IGFN1: variants seen among roughly 807,000 people sequenced by gnomAD.
IGFN1 encodes immunoglobulin-like and fibronectin type III domain-containing protein 1.
IGFN1 carries 253 observed loss-of-function variants against 289.5 expected under a neutral mutation model. That is an observed-to-expected ratio of 0.87 (90% CI 0.79 to 0.97). The LOEUF (loss-of-function observed/expected upper bound fraction) is 0.97. IGFN1 is among the 50% of genes least tolerant of loss of function. The pLI is 0.00. For missense variants in IGFN1, 4,470 were observed against 4,686.1 expected (o/e 0.95, Z 1.35); for synonymous variants, 1,706 against 1,788.5 (o/e 0.95, Z 1.16).
chr1:201,212,889 G>A lies in IGFN1; in HGVS notation c.7996G>A (p.Glu2666Lys). ...EKDAAFGGTH[E>K]GPGGFKGGEG... ...AGATGCCGCTTTTGGTGGGACCCAT[G>A]AAGGGCCAGGGGGCTTTAAGGGTGG... Residue 2666 changes from glutamate to lysine, a missense_variant, in exon 12 of 24, where the codon GAA becomes AAA. By Grantham distance (56) the Glu-to-Lys change is moderately conservative (BLOSUM62 1). Coordinates refer to ENST00000335211, the MANE Select transcript of IGFN1 (RefSeq NM_001164586.2). 1.9e-6 allele frequency: 3 copies of A among 1,551,330 alleles called. No individual in the cohort carries two copies. Among genetic ancestry groups the A allele is most frequent in the Non-Finnish European group, 2.6e-6 (3 of 1,146,930 alleles).
chr1:201,209,062 C>A lies in IGFN1; in HGVS notation c.4169C>A (p.Ala1390Glu). 1 of 1,536,360 alleles carries A rather than the reference C, an allele frequency of 6.5e-7. No homozygotes were observed. The highest frequency in any genetic ancestry group is 8.7e-7 in the Non-Finnish European group (1 of 1,146,724). ...KDLGVPEGMG[A>E]GYRAGLRGPG... Reference sequence around the variant, plus strand: ...TTGGGGGTTCCTGAGGGAATGGGTGCAGGTTACAGGGCTGGTTTAAGGGGT... The same window carrying A: ...TTGGGGGTTCCTGAGGGAATGGGTGAAGGTTACAGGGCTGGTTTAAGGGGT... The change falls in exon 12 of 24, where the codon GCA (alanine) becomes GAA (glutamate). Residue 1390 changes from alanine to glutamate, a missense_variant. Transcript: ENST00000335211.
At chr1:201,213,715 T>G in intron 12 of IGFN1, 94 bp downstream of exon 12, 1 of 1,067,460 alleles carries the variant, frequency 9.4e-7, no homozygotes, top group Non-Finnish European at 1.4e-6. Context: ...CAGTTCTGCC[T>G]CCAGCCCCAG....
In IGFN1 at chr1:201,212,758, GC is replaced by G; in HGVS notation, c.7866del (p.Ser2622ArgfsTer18). ...TSGPADRQGT[S>X]NAWAPDWENQ... ...GGGCCTGCTGATAGACAAGGGACGA[GC>G]AATGCTTGGGCTCCTGATTGGGAAA... On this transcript the variant is annotated frameshift_variant, in exon 12 of 24. Transcript: ENST00000335211. LOFTEE classifies it high-confidence loss of function. The G allele has an allele frequency of 6.4e-7, 1 of 1,551,584 alleles. No individual in the cohort carries two copies. The highest frequency in any genetic ancestry group is 8.7e-7 in the Non-Finnish European group (1 of 1,146,928).
At chr1:201,204,943 G>A in intron 10 of IGFN1, 139 bp from the exon 11 acceptor site, 1 of 760,794 alleles carries the variant, frequency 1.3e-6, no homozygotes, top group Non-Finnish European at 2.1e-6. Context: ...GAGGTCCAGA[G>A]GTGACCTGTC....
rs149041810 is a variant in IGFN1, at chr1:201,217,238, C to T, written c.9596-49C>T. 6.7e-5 allele frequency: 106 copies of T among 1,571,996 alleles called. No individual in the cohort carries two copies. The East Asian group carries it at 2.0e-3, about 30-fold the overall frequency. On this transcript the variant is annotated intron_variant, in intron 16 of 23. Transcript: ENST00000335211. ...CTACCCCCAGGGGCTCCCCATGAGCCGGCACCTTTCCCAGGCCTCTGGCTG... is the reference window on the plus strand; with the variant it reads ...CTACCCCCAGGGGCTCCCCATGAGCTGGCACCTTTCCCAGGCCTCTGGCTG...
At chr1:201,224,900 T>C (rs183872028) in intron 21 of IGFN1, 26 bp downstream of exon 21, 30 of 1,582,826 alleles carry the variant, frequency 1.9e-5, no homozygotes, top group Middle Eastern at 3.6e-4. Context: ...CTCTGGGCTC[T>C]GGACGCTGGC....
intron 2 of IGFN1, 100 bp downstream of exon 2, chr1:201,193,400 GC>G: frequency 1.2e-6 from 1 of 816,298 alleles, no homozygotes; most frequent in Non-Finnish European, 2.0e-6. Context: ...CTGGGAACTT[GC>G]CCATCTTGTT....
In IGFN1 at chr1:201,200,276, G is replaced by T; in HGVS notation, c.498G>T (p.Gln166His). The T allele has an allele frequency of 6.4e-7, 1 of 1,551,636 alleles. No homozygotes were observed. Among genetic ancestry groups the T allele is most frequent in the East Asian group, 2.4e-5 (1 of 40,926 alleles). ...PAPKKKMDLEQIWQLLMTADR... is the reference protein window; with the variant it reads ...PAPKKKMDLEHIWQLLMTADR... Reference sequence around the variant, plus strand: ...CCAAGAAAAAGATGGACCTTGAGCAGATATGGCAGCTGCTGATGACAGCAG... The same window carrying T: ...CCAAGAAAAAGATGGACCTTGAGCATATATGGCAGCTGCTGATGACAGCAG... Residue 166 changes from glutamine to histidine, a missense_variant, in exon 8 of 24, where the codon CAG (glutamine) becomes CAT (histidine). Around this residue, in one of 8 missense-constraint regions of IGFN1, gnomAD observed 2,011 missense variants for 1,953.4 expected, o/e 1.03. Coordinates refer to ENST00000335211, the MANE Select transcript of IGFN1 (RefSeq NM_001164586.2).
chr1:201,218,489 G>A, intron 17 of IGFN1, 41 bp from the exon 18 acceptor site: 2 of 1,594,286 alleles, frequency 1.3e-6, no homozygotes, highest in Non-Finnish European at 1.7e-6. Flanking sequence ...CCCATGTCCA[G>A]CACCATCAGG....
At chr1:201,223,803 C>T (rs896917095) in intron 20 of IGFN1, among the ~76,000 whole-genome samples, 2 of 152,186 alleles carry the variant, frequency 1.3e-5, no homozygotes, top group African/African-American at 4.8e-5. Context: ...TAGGGCCTGG[C>T]ATATGACAGC....
chr1:201,216,961 T>C (rs554730608), intron 16 of IGFN1, among the ~76,000 whole-genome samples: 7 of 151,518 alleles, frequency 4.6e-5, no homozygotes, highest in African/African-American at 1.5e-4. Context: ...TCTCCAGGAG[T>C]GAGGGTGTGG....
chr1:201,196,600 A>T (rs558157049), intron 4 of IGFN1, among the ~76,000 whole-genome samples: 88 of 152,284 alleles, frequency 5.8e-4, no homozygotes, highest in Non-Finnish European at 1.0e-3. Context: ...CCGCCTCGGC[A>T]TCCCAAAGTG....
At chr1:201,217,673 A>G (rs1558156303) in intron 17 of IGFN1, among the ~76,000 whole-genome samples, 1 of 152,188 alleles carries the variant, frequency 6.6e-6, no homozygotes, top group African/African-American at 2.4e-5. Context: ...AACCTCCTAC[A>G]GTATACAGGA....
At chr1:201,219,788 T>A (rs933312508) in intron 18 of IGFN1, among the ~76,000 whole-genome samples, 1 of 152,152 alleles carries the variant, frequency 6.6e-6, no homozygotes, top group Non-Finnish European at 1.5e-5. Flanking sequence ...ATTGTTCAAG[T>A]GGTATCTGAG....
At chr1:201,225,046 A>G (rs12134361) in intron 21 of IGFN1, among the ~76,000 whole-genome samples, 172 bp downstream of exon 21, 137,956 of 152,318 alleles carry the variant, frequency 0.91, 62,622 homozygotes, top group East Asian at 1. Flanking sequence ...AAAGGACCCC[A>G]GAAGATCCCC....
In IGFN1 at chr1:201,211,787, A is replaced by G. The variant is rs759403312; in HGVS notation, c.6894A>G (p.Leu2298=). ...TAGGGGGTTCTGGGAGGAATCCATTAGGGAGCGAGGCAGGTTCTAGGGGTA... is the reference window on the plus strand; with the variant it reads ...TAGGGGGTTCTGGGAGGAATCCATTGGGGAGCGAGGCAGGTTCTAGGGGTA... ...NVLGGSGRNP[L]GSEAGSRGSL... is the part of the protein sequence containing the mutation. The change falls in exon 12 of 24, where the codon TTA becomes TTG. Residue 2298 remains leucine (L), a synonymous_variant. Coordinates refer to ENST00000335211, the MANE Select transcript of IGFN1 (RefSeq NM_001164586.2). 3.3e-6 allele frequency: 5 copies of G among 1,536,842 alleles called. No homozygotes were observed. Among genetic ancestry groups the G allele is most frequent in the Non-Finnish European group, 4.4e-6 (5 of 1,146,774 alleles).
At chr1:201,193,818 C>T (rs549677052) in intron 2 of IGFN1, among the ~76,000 whole-genome samples, 21 of 152,256 alleles carry the variant, frequency 1.4e-4, no homozygotes, top group Non-Finnish European at 2.6e-4. Flanking sequence ...AGCCCCCACA[C>T]GAGCTCCTGC....
At chr1:201,220,003 T>C (rs546571593) in intron 18 of IGFN1, among the ~76,000 whole-genome samples, 32 of 152,064 alleles carry the variant, frequency 2.1e-4, no homozygotes, top group African/African-American at 7.2e-4. Context: ...TCATTCTTTC[T>C]TTCTCTCTCT....
Position 201,211,343 on chromosome 1 carries a change from G to T in IGFN1, c.6450G>T (p.Lys2150Asn). 6.7e-7 allele frequency: 1 copy of T among 1,491,732 alleles called. No homozygotes were observed. Among genetic ancestry groups the T allele is most frequent in the Non-Finnish European group, 8.9e-7 (1 of 1,118,240 alleles). The allele number at this position is 1,491,732 out of a possible 1,614,324, so 92.4% of individuals were successfully genotyped here. The stretch of plus-strand genomic sequence containing the variant: ...ATAGGAAGGATTTGGGGGCTCCTAA[G>T]GGAATGGGTTCAGAGAGTAAGGCAG... ...AGYRKDLGAP[K>N]GMGSESKAGF... Residue 2150 changes from lysine to asparagine, a missense_variant, in exon 12 of 24, where the codon AAG becomes AAT. Physicochemically the swap from Lys to Asn is moderately conservative, Grantham distance 94. Coordinates refer to ENST00000335211, the MANE Select transcript of IGFN1 (RefSeq NM_001164586.2).
Sources: gnomAD v4.1 joint callset for allele counts (sites outside exome capture counted in the v4.1 genomes callset) on GRCh38, gnomAD v4.1.1 for gene constraint, gnomAD v4.1.1 regional missense constraint, MANE v1.5 for transcripts, NCBI Gene and HGNC (gene_info 2026-07-23, HGNC 2026-07-21) for gene names.